The following GPRIN2 variants were observed in gnomAD, a reference collection of about 807,000 sequenced individuals.
GPRIN2 encodes G protein-regulated inducer of neurite outgrowth 2.
A neutral mutation model predicts 0.3 loss-of-function variants in GPRIN2; 1 was observed. The observed-to-expected ratio is 3.90, with a 90% confidence interval of 1.39 to 18.51. The LOEUF (loss-of-function observed/expected upper bound fraction) is 18.51. Ranked by LOEUF, GPRIN2 falls within the 30% of genes most tolerant of loss-of-function variation. The probability of loss-of-function intolerance (pLI) is 0.11; values close to 1 mark genes in which losing one functional copy is unlikely to be tolerated. For missense variants in GPRIN2, 880 were observed against 604.2 expected, an observed-to-expected ratio of 1.46 and a Z score of -4.79; for synonymous variants, 361 against 258.6, an observed-to-expected ratio of 1.40 and a Z score of -3.80.
At position 46,547,129 on chromosome 10, in the gene GPRIN2, C is replaced by T. The variant is rs1842231355; in HGVS notation, c.*2231G>A. ...CCATTCACCTTGACCCAGGTAGTGG[C>T]CTCACCCTCCTCTTGCTCAAACTGG... On this transcript the variant is annotated 3_prime_UTR_variant, in exon 3 of 3. Transcript: ENST00000374314. Among the ~76,000 whole-genome samples, 2 of 152,306 alleles carry T rather than the reference C, an allele frequency of 1.3e-5. No homozygotes were observed. Among genetic ancestry groups the T allele is most frequent in the Non-Finnish European group, 2.9e-5 (2 of 68,054 alleles).
chr10:46,553,191 C>T lies in GPRIN2; in HGVS notation c.-7+1394G>A, dbSNP rs1832063448. Among the ~76,000 whole-genome samples, 9 of 152,424 alleles carry T rather than the reference C, an allele frequency of 5.9e-5. No homozygotes were observed. The East Asian group carries it at 7.7e-4, about 13-fold the overall frequency. ...GGGGCAGCTGAGCTCCTCTCCCCTT[C>T]GAGCACTGAGCAGGCCTATGCCTCG... On this transcript the variant is annotated intron_variant, in intron 2 of 2. Coordinates refer to ENST00000374314, the MANE Select transcript of GPRIN2 (RefSeq NM_001385282.1).
chr10:46,554,174 C>T (rs1842916449), intron 2 of GPRIN2, among the ~76,000 whole-genome samples: 1 of 152,304 alleles, frequency 6.6e-6, no homozygotes, highest in Admixed American at 6.5e-5. Flanking sequence ...TTCTCTTTCC[C>T]CTCCCATCAA....
chr10:46,549,217 C>T lies in GPRIN2; in HGVS notation c.*143G>A, dbSNP rs1418950613. ...GGGCCGGAAGCCCCAGGCTGCAGTC[C>T]TGTGGTCTGGAGGCAGCCAATATTC... On this transcript the variant is annotated 3_prime_UTR_variant, in exon 3 of 3. Coordinates refer to ENST00000374314, the MANE Select transcript of GPRIN2 (RefSeq NM_001385282.1). 1.7e-6 allele frequency: 2 copies of T among 1,153,440 alleles called. No homozygotes were observed. Among genetic ancestry groups the T allele is most frequent in the Non-Finnish European group, 2.3e-6 (2 of 854,742 alleles). The allele number at this position is 1,153,440 out of a possible 1,614,324, so 71.5% of individuals were successfully genotyped here. A position where few individuals can be genotyped will look rare whatever the true frequency, so the allele number is the denominator to read the frequency against.
intron 2 of GPRIN2, among the ~76,000 whole-genome samples, chr10:46,552,806 C>T (rs1832093945): frequency 2.0e-5 from 3 of 152,308 alleles, no homozygotes; most frequent in Admixed American, 6.5e-5. Context: ...AACACAGCCC[C>T]GGCCTGGTAA....
At position 46,550,337 on chromosome 10, in the gene GPRIN2, T is replaced by C. The variant is rs1346114073; in HGVS notation, c.400A>G (p.Ser134Gly). 12 of 1,613,116 alleles carry C rather than the reference T, an allele frequency of 7.4e-6. No homozygotes were observed. The highest frequency in any genetic ancestry group is 1.1e-5 in the South Asian group (1 of 91,062). The change falls in exon 3 of 3, where the codon AGT (serine) becomes GGT (glycine). Residue 134 changes from serine (S) to glycine (G), a missense_variant. Transcript: ENST00000374314. ...LVRSTQMRGH[S>G]GARKASLSCS... Reference sequence around the variant, plus strand: ...CTGAGACTGGCCTTCCGAGCACCACTGTGTCCCCGCATCTGGGTGCTACGG... The same window carrying C: ...CTGAGACTGGCCTTCCGAGCACCACCGTGTCCCCGCATCTGGGTGCTACGG...
At chr10:46,557,343 C>T (rs1191332551), upstream of GPRIN2, among the ~76,000 whole-genome samples, 4 of 152,300 alleles carry the variant, frequency 2.6e-5, no homozygotes, top group Admixed American at 2.0e-4. Context: ...CTGGCCTGGC[C>T]CCCGGAGCCC....
intron 2 of GPRIN2, among the ~76,000 whole-genome samples, chr10:46,552,434 C>T (rs1832122549): frequency 8.2e-3 from 1,236 of 151,416 alleles, no homozygotes; most frequent in Admixed American, 0.013. Context: ...TTCCAGGCAA[C>T]AACCTCCCCG....
Position 46,549,006 on chromosome 10 carries a change from C to T in GPRIN2, c.*354G>A, listed in dbSNP as rs1842411099. On this transcript the variant is annotated 3_prime_UTR_variant, in exon 3 of 3. Coordinates refer to ENST00000374314, the MANE Select transcript of GPRIN2 (RefSeq NM_001385282.1). ...CAGCACTGATTTCAAATAAAGCCAC[C>T]AAGAGTCTGACGAGGCAACATGGCA... 2 of 350,428 alleles carry T rather than the reference C, an allele frequency of 5.7e-6. No homozygotes were observed. The highest frequency in any genetic ancestry group is 7.5e-4 in the Middle Eastern group (1 of 1,334). The allele number at this position is 350,428 out of a possible 1,614,324, so 21.7% of individuals were successfully genotyped here. A position where few individuals can be genotyped will look rare whatever the true frequency, so the allele number is the denominator to read the frequency against.
rs1329738542 is a variant in GPRIN2 at position 46,543,488 on chromosome 10, C to G, written c.*5872G>C. On this transcript the variant is annotated 3_prime_UTR_variant, in exon 3 of 3. Coordinates refer to ENST00000374314, the MANE Select transcript of GPRIN2 (RefSeq NM_001385282.1). ...GACCAGCAGAGGTCCCCCGACTGTC[C>G]TTGGCTGTGTGCACACAGAGGTGCT... 2.6e-5 allele frequency among the ~76,000 whole-genome samples: 4 copies of G among 152,310 alleles called. No individual in the cohort carries two copies. Among genetic ancestry groups the G allele is most frequent in the African/African-American group, 9.6e-5 (4 of 41,488 alleles).
chr10:46,557,046 C>CCT (rs1418002168), upstream of GPRIN2, among the ~76,000 whole-genome samples: 1 of 143,866 alleles, frequency 7.0e-6, no homozygotes, highest in Non-Finnish European at 1.5e-5. Flanking sequence ...GCTCCAGTTC[C>CCT]CCCTCCGCAC....
chr10:46,549,456 G>A lies in GPRIN2; in HGVS notation c.1281C>T (p.Ser427=). Residue 427 remains serine (S), a synonymous_variant, in exon 3 of 3, where the codon AGC becomes AGT. Coordinates refer to ENST00000374314, the MANE Select transcript of GPRIN2 (RefSeq NM_001385282.1). ...GCCCCCTCCGGCCCTCCACAGACAG[G>A]CTGTCCTCGCTGGCGGGCGCCCGCT... ...QLQRAPASED[S]LSVEGRRGPL... The A allele has an allele frequency of 6.2e-7, 1 of 1,608,924 alleles. No homozygotes were observed.
intron 2 of GPRIN2, chr10:46,551,416 C>G: frequency 2.0e-6 from 2 of 985,528 alleles, no homozygotes; most frequent in Non-Finnish European, 2.4e-6. Flanking sequence ...TGACTCCTAC[C>G]TCTAGCTCCA....
Position 46,549,477 on chromosome 10 carries a change from C to A in GPRIN2, c.1260G>T (p.Arg420=). 6.2e-7 allele frequency: 1 copy of A among 1,611,408 alleles called. No homozygotes were observed. The highest frequency in any genetic ancestry group is 1.1e-5 in the South Asian group (1 of 90,732). Residue 420 remains arginine (R), a synonymous_variant, in exon 3 of 3, where the codon CGG becomes CGT. Transcript: ENST00000374314. The part of the protein sequence containing the change: ...HLEMQFEQLQ[R]APASEDSLSV... ...ACAGGCTGTCCTCGCTGGCGGGCGC[C>A]CGCTGCAGCTGCTCAAACTGCATCT...
At position 46,549,761 on chromosome 10, in the gene GPRIN2, CTG is replaced by C. The variant is rs1565197006; in HGVS notation, c.974_975del (p.Ala325GlyfsTer62). On this transcript the variant is annotated frameshift_variant, in exon 3 of 3. Transcript: ENST00000374314. LOFTEE classifies it low-confidence loss of function (END_TRUNC). ...TCCTGGGCTGACAGCGGGGATGCCT[CTG>C]CAGGGGCCAAGTCATTGGCTGAGGT... ...TMTSANDLAP[A>X]EASPLSAQDA... 8.1e-6 allele frequency: 13 copies of C among 1,614,212 alleles called. No homozygotes were observed. Among genetic ancestry groups the C allele is most frequent in the African/African-American group, 1.3e-5 (1 of 75,090 alleles).
At position 46,542,776 on chromosome 10, in the gene GPRIN2, A is replaced by C. The variant is rs1392749066; in HGVS notation, c.*6584T>G. Among the ~76,000 whole-genome samples, 2 of 152,302 alleles carry C rather than the reference A, an allele frequency of 1.3e-5. No homozygotes were observed. The highest frequency in any genetic ancestry group is 4.8e-5 in the African/African-American group (2 of 41,488). On this transcript the variant is annotated 3_prime_UTR_variant, in exon 3 of 3. Coordinates refer to ENST00000374314, the MANE Select transcript of GPRIN2 (RefSeq NM_001385282.1). ...ATCCAGTTCCTGACAGCAGAGAAGC[A>C]TACAGGTGGGACAGTGCAGTGTGTC...
In GPRIN2 at chr10:46,542,976, T is replaced by C. The variant is rs1329562380; in HGVS notation, c.*6384A>G. Among the ~76,000 whole-genome samples the C allele has an allele frequency of 3.3e-5, 5 of 152,310 alleles. No individual in the cohort carries two copies. Among genetic ancestry groups the C allele is most frequent in the African/African-American group, 1.2e-4 (5 of 41,488 alleles). ...AACAAGGGCCACCAAAAGTTAGGAC[T>C]GATGGGGTGCCCTTCCAGCCCGACC... On this transcript the variant is annotated 3_prime_UTR_variant, in exon 3 of 3. Transcript: ENST00000374314.
rs1255167383 is a variant in GPRIN2 at position 46,548,850 on chromosome 10, G to A, written c.*510C>T. Among the ~76,000 whole-genome samples, 1 of 152,310 alleles carries A rather than the reference G, an allele frequency of 6.6e-6. No homozygotes were observed. The highest frequency in any genetic ancestry group is 1.5e-5 in the Non-Finnish European group (1 of 68,056). ...CCAAATGAAGGCTTGCCAGGATGAA[G>A]AGGTGAAGACAGGACAAGCACAGTA... is the stretch of plus-strand genomic sequence containing the variant. On this transcript the variant is annotated 3_prime_UTR_variant, in exon 3 of 3. Coordinates refer to ENST00000374314, the MANE Select transcript of GPRIN2 (RefSeq NM_001385282.1).
At chr10:46,556,458 C>A (rs1287658578) in intron 1 of GPRIN2, among the ~76,000 whole-genome samples, 40 bp downstream of exon 1, 1 of 152,378 alleles carries the variant, frequency 6.6e-6, no homozygotes, top group East Asian at 1.9e-4. Context: ...GCCCACCACG[C>A]CCCCCGCCCC....
At chr10:46,553,501 G>A (rs1842840283) in intron 2 of GPRIN2, among the ~76,000 whole-genome samples, 1 of 152,300 alleles carries the variant, frequency 6.6e-6, no homozygotes, top group East Asian at 1.9e-4. Flanking sequence ...ACCCTCCCAG[G>A]GAGGGGGGCC....
Sources: allele counts gnomAD v4.1 joint callset (sites outside exome capture counted in the v4.1 genomes callset), GRCh38; gene constraint gnomAD v4.1.1; transcripts MANE v1.5; gene names NCBI Gene and HGNC (gene_info 2026-07-23, HGNC 2026-07-21).